TSPAN7: variants seen among roughly 807,000 people sequenced by gnomAD.
TSPAN7 encodes the protein tetraspanin 7, also known as tetraspanin-7.
Under a neutral mutation model 17.6 loss-of-function variants are expected in TSPAN7, and 1 was observed. That is an observed-to-expected ratio of 0.06 (90% CI 0.02 to 0.27). The LOEUF (loss-of-function observed/expected upper bound fraction) is 0.27. TSPAN7 is among the 10% of genes least tolerant of loss of function. The pLI, the probability that TSPAN7 is intolerant of heterozygous loss-of-function variation, is 1.00. For missense variants in TSPAN7, 112 were observed against 201.7 expected (o/e 0.56, Z 2.69); for synonymous variants, 78 against 79.0 (o/e 0.99, Z 0.07).
rs777413415 is a variant in TSPAN7, at chrX:38,675,911, G to C, written c.597+51G>C. On this transcript the variant is annotated intron_variant, in intron 5 of 7. Coordinates refer to ENST00000378482, the MANE Select transcript of TSPAN7 (RefSeq NM_004615.4). ...GGGACCAGTGGTGAATGTTTGGGGG[G>C]GCTTTTTTATTTCCATGAAATTATG... 4 of 1,163,193 alleles carry C rather than the reference G, an allele frequency of 3.4e-6. No individual in the cohort carries two copies. In the African/African-American group the frequency reaches 7.1e-5, roughly 21 times the overall value.
intron 1 of TSPAN7, among the ~76,000 whole-genome samples, chrX:38,622,220 G>A (rs2069492270): frequency 1.8e-5 from 2 of 112,093 alleles, no homozygotes; most frequent in African/African-American, 6.5e-5. Context: ...ATTTGACTGG[G>A]ACTGAAAGGC....
chrX:38,667,595 A>G (rs12839987), intron 2 of TSPAN7, among the ~76,000 whole-genome samples: 39,045 of 110,119 alleles, frequency 0.35, 6,137 homozygotes, highest in Middle Eastern at 0.54. Context: ...TCTGTTGTCA[A>G]CCTCATAGAA....
intron 1 of TSPAN7, among the ~76,000 whole-genome samples, chrX:38,650,744 G>A (rs1412411243): frequency 8.9e-6 from 1 of 111,816 alleles, no homozygotes; most frequent in African/African-American, 3.3e-5. Context: ...TCTTTGAGTT[G>A]AGGGACCTGA....
intron 1 of TSPAN7, among the ~76,000 whole-genome samples, chrX:38,600,186 C>A (rs1488950663): frequency 9.0e-6 from 1 of 111,378 alleles, no homozygotes; most frequent in Non-Finnish European, 1.9e-5. Context: ...ATTCTCAAGT[C>A]ATTTTAAAAA....
intron 1 of TSPAN7, among the ~76,000 whole-genome samples, chrX:38,567,554 A>G (rs2069149743): frequency 8.9e-6 from 1 of 112,553 alleles, no homozygotes. Context: ...GCCAAACCAT[A>G]TCAGGCACAT....
chrX:38,621,985 C>T (rs1275189510), intron 1 of TSPAN7, among the ~76,000 whole-genome samples: 2 of 112,096 alleles, frequency 1.8e-5, no homozygotes, highest in African/African-American at 6.5e-5. Flanking sequence ...TACCATTTGG[C>T]GTTTTATGGC....
At chrX:38,626,533 G>A (rs954363960) in intron 1 of TSPAN7, among the ~76,000 whole-genome samples, 4 of 111,409 alleles carry the variant, frequency 3.6e-5, no homozygotes, top group East Asian at 2.8e-4. Flanking sequence ...GATGTTAACC[G>A]TGCCTCCTGG....
At chrX:38,619,622 A>C (rs1281586089) in intron 1 of TSPAN7, among the ~76,000 whole-genome samples, 4 of 111,876 alleles carry the variant, frequency 3.6e-5, no homozygotes, top group Admixed American at 1.9e-4. Context: ...CTTCATTCCT[A>C]AATTAGATTG....
chrX:38,573,908 A>C (rs982185555), intron 1 of TSPAN7, among the ~76,000 whole-genome samples: 2 of 111,526 alleles, frequency 1.8e-5, no homozygotes, highest in African/African-American at 6.5e-5. Context: ...CATACCACCA[A>C]CATTATTTAT....
intron 1 of TSPAN7, among the ~76,000 whole-genome samples, chrX:38,624,486 A>G (rs2069509547): frequency 8.9e-6 from 1 of 112,380 alleles, no homozygotes. Context: ...TTTTTAACTA[A>G]TGAATGTTGA....
intron 1 of TSPAN7, chrX:38,566,366 C>T: frequency 1.1e-6 from 1 of 952,024 alleles, no homozygotes; most frequent in Non-Finnish European, 1.3e-6. Context: ...GTAAGTTATC[C>T]TGTGCTTTAA....
At chrX:38,658,919 C>A (rs2069721869) in intron 1 of TSPAN7, among the ~76,000 whole-genome samples, 1 of 110,158 alleles carries the variant, frequency 9.1e-6, no homozygotes, top group African/African-American at 3.3e-5. Flanking sequence ...GATTATCTCA[C>A]TCCTCTCCCG....
At chrX:38,585,637 C>T (rs1485612837) in intron 1 of TSPAN7, among the ~76,000 whole-genome samples, 1 of 111,716 alleles carries the variant, frequency 9.0e-6, no homozygotes, top group South Asian at 3.7e-4. Context: ...GATTTTTCCC[C>T]TCCAAGCTTC....
intron 1 of TSPAN7, among the ~76,000 whole-genome samples, chrX:38,582,273 A>G (rs918189577): frequency 8.9e-6 from 1 of 112,475 alleles, no homozygotes; most frequent in African/African-American, 3.2e-5. Flanking sequence ...TTCTGCTTGT[A>G]AGACCAGCTA....
At chrX:38,624,033 C>T (rs1245771715) in intron 1 of TSPAN7, among the ~76,000 whole-genome samples, 1 of 108,561 alleles carries the variant, frequency 9.2e-6, no homozygotes, top group Admixed American at 9.9e-5. Flanking sequence ...GACCCAAGGT[C>T]ACACTTGGGA....
chrX:38,565,296 C>A (rs1282570855), intron 1 of TSPAN7, among the ~76,000 whole-genome samples: 2 of 112,062 alleles, frequency 1.8e-5, no homozygotes, highest in Non-Finnish European at 3.8e-5. Flanking sequence ...GTGGTGTGAC[C>A]TCAGCTCACT....
intron 1 of TSPAN7, among the ~76,000 whole-genome samples, chrX:38,655,535 G>A (rs2069698574): frequency 9.1e-6 from 1 of 110,056 alleles, no homozygotes; most frequent in South Asian, 3.9e-4. Context: ...TAGGATCATT[G>A]AAAGGAGAAT....
At chrX:38,598,820 A>G (rs1259615962) in intron 1 of TSPAN7, among the ~76,000 whole-genome samples, 1 of 111,965 alleles carries the variant, frequency 8.9e-6, no homozygotes, top group Non-Finnish European at 1.9e-5. Context: ...ATATGAAAAA[A>G]GGAAAGTGAA....
intron 1 of TSPAN7, among the ~76,000 whole-genome samples, chrX:38,634,802 G>T (rs977585172): frequency 5.4e-5 from 6 of 111,107 alleles, no homozygotes; most frequent in Non-Finnish European, 7.5e-5. Context: ...CCTCTCAGGG[G>T]TATGAGAAAA....
Sources: allele counts gnomAD v4.1 joint callset (sites outside exome capture counted in the v4.1 genomes callset), GRCh38; gene constraint gnomAD v4.1.1; transcripts MANE v1.5; gene names NCBI Gene and HGNC (gene_info 2026-07-23, HGNC 2026-07-21).